DMD: variants seen among roughly 807,000 people sequenced by gnomAD.
DMD encodes mutant dystrophin.
Under a neutral mutation model 330.1 loss-of-function variants are expected in DMD, and 63 were observed. The ratio of observed to expected loss-of-function variants is 0.19; its 90% CI spans 0.16 to 0.24. The LOEUF (loss-of-function observed/expected upper bound fraction) is 0.24, where lower values mean the gene tolerates loss of function less well. Ranked by LOEUF, DMD falls within the 10% of genes least tolerant of loss-of-function variation. The probability of loss-of-function intolerance (pLI) is 1.00; values close to 1 mark genes in which losing one functional copy is unlikely to be tolerated. For missense variants in DMD, 3,344 were observed against 2,684.1 expected (o/e 1.25, Z -5.43); for synonymous variants, 1,223 against 959.8 (o/e 1.27, Z -5.07).
intron 43 of DMD, among the ~76,000 whole-genome samples, chrX:32,221,733 A>G (rs1408939507): frequency 9.0e-6 from 1 of 111,425 alleles, no homozygotes; most frequent in Non-Finnish European, 1.9e-5. Flanking sequence ...CTGAGTCTTC[A>G]AAGTCCATTC....
intron 9 of DMD, among the ~76,000 whole-genome samples, chrX:32,665,185 G>C (rs759263568): frequency 1.8e-5 from 2 of 111,802 alleles, no homozygotes; most frequent in South Asian, 3.7e-4. Flanking sequence ...TACTGGTTGT[G>C]ATATATGCAG....
rs1312579869 is a variant in DMD at position 31,224,067 on chromosome X, G to A, written c.9287-946C>T. Among the ~76,000 whole-genome samples the A allele has an allele frequency of 5.4e-5, 6 of 111,499 alleles. No homozygotes were observed. The Admixed American group carries it at 5.7e-4, about 11-fold the overall frequency. On this transcript the variant is annotated intron_variant, in intron 63 of 78. Transcript: ENST00000357033. ...TCTTACTCAAGTCTGCACAAGCCTT[G>A]ATAGATACTGGGCTACATTTATTTC...
intron 41 of DMD, among the ~76,000 whole-genome samples, chrX:32,340,805 A>T (rs900747487): frequency 8.9e-6 from 1 of 112,087 alleles, no homozygotes; most frequent in Non-Finnish European, 1.9e-5. Context: ...CATTACATTC[A>T]TAACATCTAA....
At position 32,132,716 on chromosome X, in the gene DMD, A is replaced by T. The variant is rs771617196; in HGVS notation, c.6438+84200T>A. The stretch of plus-strand genomic sequence containing the variant: ...GAGATTTGGCTTCGGTGTTCATTCA[A>T]GTCATTTCCTGAGCTAACTTCTGTT... On this transcript the variant is annotated intron_variant, in intron 44 of 78. Transcript: ENST00000357033. 1.6e-4 allele frequency among the ~76,000 whole-genome samples: 18 copies of T among 110,795 alleles called. No individual in the cohort carries two copies. The South Asian group carries it at 6.8e-3, about 42-fold the overall frequency.
At chrX:32,732,716 A>G (rs1368301768) in intron 7 of DMD, among the ~76,000 whole-genome samples, 1 of 110,907 alleles carries the variant, frequency 9.0e-6, no homozygotes, top group Non-Finnish European at 1.9e-5. Flanking sequence ...AAATGCTGAG[A>G]GATTTTGTCA....
chrX:32,781,048 GC>G (rs2074693336), intron 7 of DMD, among the ~76,000 whole-genome samples: 1 of 108,320 alleles, frequency 9.2e-6, no homozygotes, highest in South Asian at 4.1e-4. Context: ...AACCCGGGAG[GC>G]GGAGCTTGCA....
At chrX:32,564,692 T>G (rs1047822160) in intron 16 of DMD, among the ~76,000 whole-genome samples, 1 of 111,989 alleles carries the variant, frequency 8.9e-6, no homozygotes, top group Non-Finnish European at 1.9e-5. Flanking sequence ...CATTGAACTG[T>G]GATTGAAAAT....
rs1413028443 is a variant in DMD at position 32,409,031 on chromosome X, A to G, written c.4233+2721T>C. Among the ~76,000 whole-genome samples the G allele has an allele frequency of 4.5e-5, 5 of 110,950 alleles. No individual in the cohort carries two copies. In the Admixed American group the frequency reaches 4.8e-4, roughly 11 times the overall value. On this transcript the variant is annotated intron_variant, in intron 30 of 78. Transcript: ENST00000357033. ...CACACTGTGCTTATGTTATTTCACT[A>G]TCTAACTTTTGACTCTCTATTTTAT...
At chrX:31,354,169 G>A (rs1354240573) in intron 60 of DMD, among the ~76,000 whole-genome samples, 1 of 111,817 alleles carries the variant, frequency 8.9e-6, no homozygotes, top group Non-Finnish European at 1.9e-5. Flanking sequence ...TGTTCCATGA[G>A]GACAGGGACA....
intron 67 of DMD, among the ~76,000 whole-genome samples, chrX:31,193,450 A>G (rs1485693955): frequency 8.9e-6 from 1 of 111,898 alleles, no homozygotes; most frequent in African/African-American, 3.2e-5. Context: ...GAGAGGTAGA[A>G]GCTCTTCTTT....
chrX:31,185,376 T>TC (rs2041663754), intron 67 of DMD, among the ~76,000 whole-genome samples: 1 of 111,470 alleles, frequency 9.0e-6, no homozygotes, highest in African/African-American at 3.3e-5. Flanking sequence ...CTTCCCTAGT[T>TC]CCCCCCTCTC....
intron 55 of DMD, among the ~76,000 whole-genome samples, chrX:31,613,295 T>C (rs774641867): frequency 2.7e-5 from 3 of 111,896 alleles, no homozygotes; most frequent in South Asian, 7.5e-4. Context: ...CTTGAGAAGC[T>C]TGCAGCTTTA....
intron 7 of DMD, among the ~76,000 whole-genome samples, chrX:32,736,731 A>C (rs7055228): frequency 0.071 from 6,517 of 92,237 alleles, 697 homozygotes; most frequent in African/African-American, 0.25. Flanking sequence ...ACACATGGAC[A>C]CAGGAAGGGG....
At chrX:32,490,556 G>A (rs2042895812) in intron 20 of DMD, among the ~76,000 whole-genome samples, 1 of 111,134 alleles carries the variant, frequency 9.0e-6, no homozygotes, top group Non-Finnish European at 1.9e-5. Flanking sequence ...CAAGATTCTG[G>A]AGGCAGGGAA....
At position 31,225,193 on chromosome X, in the gene DMD, T is replaced by C. The variant is rs1009508931; in HGVS notation, c.9287-2072A>G. Among the ~76,000 whole-genome samples, 8 of 112,260 alleles carry C rather than the reference T, an allele frequency of 7.1e-5. No individual in the cohort carries two copies. The Admixed American group carries it at 7.5e-4, about 11-fold the overall frequency. The stretch of plus-strand genomic sequence containing the variant: ...CCCTCACATGAACAGTACACTCTGA[T>C]GTATGTGTGTGTTAGCTTAAGCTAC... On this transcript the variant is annotated intron_variant, in intron 63 of 78. Transcript: ENST00000357033.
At chrX:33,032,416 T>C (rs1372220681) in intron 1 of DMD, among the ~76,000 whole-genome samples, 1 of 112,065 alleles carries the variant, frequency 8.9e-6, no homozygotes, top group Non-Finnish European at 1.9e-5. Flanking sequence ...ATAATAAAGC[T>C]GACTAATATA....
intron 52 of DMD, among the ~76,000 whole-genome samples, chrX:31,715,529 C>T (rs62589484): frequency 0.14 from 11,584 of 82,773 alleles, 816 homozygotes; most frequent in Admixed American, 0.33. Context: ...GGCGACAGAG[C>T]GAAACTCCGT....
intron 37 of DMD, among the ~76,000 whole-genome samples, chrX:32,353,369 T>C (rs2097788234): frequency 8.9e-6 from 1 of 112,021 alleles, no homozygotes; most frequent in African/African-American, 3.2e-5. Flanking sequence ...AAAGCGTTTA[T>C]AATTTAACAG....
chrX:33,088,260 G>C (rs961967232), intron 1 of DMD, among the ~76,000 whole-genome samples: 3 of 110,885 alleles, frequency 2.7e-5, no homozygotes, highest in African/African-American at 6.6e-5. Context: ...GATCAAGCTG[G>C]TGTCGAACTC....
Sources: gnomAD v4.1 joint callset for allele counts (sites outside exome capture counted in the v4.1 genomes callset) on GRCh38, gnomAD v4.1.1 for gene constraint, MANE v1.5 for transcripts, NCBI Gene and HGNC (gene_info 2026-07-23, HGNC 2026-07-21) for gene names.